The following TYW1 variants were observed in gnomAD, a reference collection of about 807,000 sequenced individuals.
TYW1 encodes the protein tRNA-yW synthesizing protein 1 homolog, also known as S-adenosyl-L-methionine-dependent tRNA 4-demethylwyosine synthase TYW1.
In TYW1, 46 loss-of-function variants were observed where a neutral mutation model predicts 96.2. The ratio of observed to expected loss-of-function variants is 0.48; its 90% CI spans 0.38 to 0.61. The LOEUF is 0.61. Ranked by LOEUF, TYW1 falls within the 20% of genes least tolerant of loss-of-function variation. The pLI is 0.00. For synonymous variants in TYW1, 274 were observed against 323.0 expected (o/e 0.85, Z 1.63); for missense variants, 684 against 909.6 (o/e 0.75, Z 3.19).
chr7:67,164,090 G>A (rs1160544481), intron 13 of TYW1, among the ~76,000 whole-genome samples: 4 of 152,130 alleles, frequency 2.6e-5, no homozygotes, highest in Admixed American at 6.5e-5. Context: ...GTATGTATAC[G>A]TGTTTTCTGA....
rs1313943499 is a variant in TYW1, at chr7:67,001,786, A to C, written c.273+2832A>C. Among the ~76,000 whole-genome samples the C allele has an allele frequency of 2.7e-5, 4 of 150,504 alleles. No homozygotes were observed. In the East Asian group the frequency reaches 8.2e-4, roughly 31 times the overall value. ...GGTGGCTCATGCCTGTAATCTCAGC[A>C]CTTTGGGAGGCCGAGGTGGGCAGAC... On this transcript the variant is annotated intron_variant, in intron 3 of 15. Coordinates refer to ENST00000359626, the MANE Select transcript of TYW1 (RefSeq NM_018264.4).
intron 9 of TYW1, among the ~76,000 whole-genome samples, chr7:67,057,486 CTGAG>C (rs1795558811): frequency 1.3e-5 from 2 of 152,164 alleles, no homozygotes; most frequent in African/African-American, 4.8e-5. Flanking sequence ...TCTCAGTCTC[CTGAG>C]TAAGTGGGAT....
Position 67,238,504 on chromosome 7 carries a change from A to C in TYW1, c.2174A>C (p.Lys725Thr), listed in dbSNP as rs770569897. The C allele has an allele frequency of 1.9e-6, 3 of 1,613,784 alleles. No homozygotes were observed. The highest frequency in any genetic ancestry group is 1.7e-6 in the Non-Finnish European group (2 of 1,179,852). Residue 725 changes from lysine to threonine, a missense_variant, in exon 16 of 16, where the codon AAA becomes ACA. Transcript: ENST00000359626. ...GACACAAGACATCAGAGAAAGAACA[A>C]ATCAAAGGCTATTTCTGGATGTTGA... ...PKDTRHQRKN[K>T]SKAISGC
At chr7:67,052,935 G>GT (rs1270971536) in intron 8 of TYW1, among the ~76,000 whole-genome samples, 2 of 151,872 alleles carry the variant, frequency 1.3e-5, no homozygotes, top group Non-Finnish European at 1.5e-5. Flanking sequence ...TAGAGACGGG[G>GT]TTTTACCGTG....
chr7:67,054,613 C>T (rs1255082923), intron 8 of TYW1, among the ~76,000 whole-genome samples: 1 of 152,154 alleles, frequency 6.6e-6, no homozygotes, highest in East Asian at 1.9e-4. Context: ...TGACATTGCT[C>T]CAATAATCAT....
At chr7:67,092,850 T>C (rs1796770787) in intron 11 of TYW1, among the ~76,000 whole-genome samples, 1 of 151,556 alleles carries the variant, frequency 6.6e-6, no homozygotes, top group African/African-American at 2.4e-5. Context: ...GCCCGGCTAA[T>C]GTTTTTAAAT....
At position 67,229,004 on chromosome 7, in the gene TYW1, C is replaced by G. The variant is rs531601450; in HGVS notation, c.1978-9304C>G. Among the ~76,000 whole-genome samples, 110 of 152,178 alleles carry G rather than the reference C, an allele frequency of 7.2e-4. No individual in the cohort carries two copies. The Middle Eastern group carries it at 0.01, about 14-fold the overall frequency. On this transcript the variant is annotated intron_variant, in intron 15 of 15. Coordinates refer to ENST00000359626, the MANE Select transcript of TYW1 (RefSeq NM_018264.4). ...TGGGAGGAGAATGTACTTCACTGTGCCAGTTTTATTTTTTTGGTTATTATT... is the reference window on the plus strand; with the variant it reads ...TGGGAGGAGAATGTACTTCACTGTGGCAGTTTTATTTTTTTGGTTATTATT...
chr7:67,103,883 A>C (rs1797163216), intron 12 of TYW1, among the ~76,000 whole-genome samples: 2 of 152,370 alleles, frequency 1.3e-5, no homozygotes, highest in East Asian at 3.9e-4. Context: ...AATTAAAGAA[A>C]GAAGAGAGAA....
At chr7:67,110,686 A>T (rs951261164) in intron 12 of TYW1, among the ~76,000 whole-genome samples, 2 of 152,188 alleles carry the variant, frequency 1.3e-5, no homozygotes, top group African/African-American at 4.8e-5. Context: ...GAGGTATCTG[A>T]TTTCCAGAGT....
intron 15 of TYW1, among the ~76,000 whole-genome samples, chr7:67,209,657 C>T (rs775419005): frequency 1.4e-4 from 22 of 152,130 alleles, no homozygotes; most frequent in Admixed American, 2.6e-4. Context: ...GCTGCAACCT[C>T]CATCTCCCGG....
chr7:67,164,963 A>G (rs1246548482), intron 13 of TYW1, among the ~76,000 whole-genome samples: 1 of 150,638 alleles, frequency 6.6e-6, no homozygotes, highest in Non-Finnish European at 1.5e-5. Flanking sequence ...CATAGGCTAC[A>G]TTTTTAGAAA....
At chr7:67,121,604 G>A (rs1191262061) in intron 13 of TYW1, among the ~76,000 whole-genome samples, 1 of 151,440 alleles carries the variant, frequency 6.6e-6, no homozygotes, top group Admixed American at 6.6e-5. Flanking sequence ...ATAAATAAGA[G>A]TGTTATTTCA....
chr7:67,120,176 G>A (rs570340942), intron 13 of TYW1, among the ~76,000 whole-genome samples: 1 of 151,936 alleles, frequency 6.6e-6, no homozygotes, highest in South Asian at 2.1e-4. Flanking sequence ...CTGCCTCCTG[G>A]GTTCAAGTGA....
At chr7:67,088,790 G>A (rs1796624125) in intron 11 of TYW1, among the ~76,000 whole-genome samples, 1 of 151,936 alleles carries the variant, frequency 6.6e-6, no homozygotes, top group Non-Finnish European at 1.5e-5. Context: ...GTCTGATCTC[G>A]AACTCCTGGG....
In TYW1 at chr7:67,097,547, C is replaced by T. The variant is rs544269745; in HGVS notation, c.1385-994C>T. Among the ~76,000 whole-genome samples, 14 of 152,028 alleles carry T rather than the reference C, an allele frequency of 9.2e-5. No individual in the cohort carries two copies. The South Asian group carries it at 1.9e-3, about 20-fold the overall frequency. On this transcript the variant is annotated intron_variant, in intron 11 of 15. Transcript: ENST00000359626. ...CCGAGTAGCTGGGATTACAGGCATC[C>T]GCCACCACGCCCAGCTAATTTTTGC...
Position 67,188,608 on chromosome 7 carries a change from C to G in TYW1, c.1809+5372C>G, listed in dbSNP as rs1380291465. On this transcript the variant is annotated intron_variant, in intron 14 of 15. Transcript: ENST00000359626. Reference sequence around the variant, plus strand: ...ACAGAAGACTAGGCCCTTTCACCTTCAATGAAAGGATGGATTAGGGAAAAA... The same window carrying G: ...ACAGAAGACTAGGCCCTTTCACCTTGAATGAAAGGATGGATTAGGGAAAAA... 3.3e-5 allele frequency among the ~76,000 whole-genome samples: 5 copies of G among 152,082 alleles called. No homozygotes were observed. In the East Asian group the frequency reaches 9.6e-4, roughly 29 times the overall value.
intron 14 of TYW1, among the ~76,000 whole-genome samples, chr7:67,191,882 T>C (rs1405779517): frequency 2.0e-5 from 3 of 148,642 alleles, no homozygotes; most frequent in East Asian, 2.0e-4. Flanking sequence ...TTTGTTGCTG[T>C]TGTTGTTTGG....
At position 67,016,837 on chromosome 7, in the gene TYW1, G is replaced by C. The variant is rs1427162095; in HGVS notation, c.571-1016G>C. Among the ~76,000 whole-genome samples, 3 of 152,036 alleles carry C rather than the reference G, an allele frequency of 2.0e-5. No individual in the cohort carries two copies. In the East Asian group the frequency reaches 5.8e-4, roughly 29 times the overall value. On this transcript the variant is annotated intron_variant, in intron 5 of 15. Transcript: ENST00000359626. Reference sequence around the variant, plus strand: ...AGATGGGGTTTTACTTTGGTGCCCAGGCTGGTGTTGAACTCGGGCTTGAGC... The same window carrying C: ...AGATGGGGTTTTACTTTGGTGCCCACGCTGGTGTTGAACTCGGGCTTGAGC...
At chr7:67,047,783 ATTT>A (rs36007120) in intron 7 of TYW1, among the ~76,000 whole-genome samples, 20 of 79,890 alleles carry the variant, frequency 2.5e-4, no homozygotes, top group Non-Finnish European at 3.8e-4. Flanking sequence ...GTGAGTGTCA[ATTT>A]TTTTTTTTTT....
Sources: gnomAD v4.1 joint callset for allele counts (sites outside exome capture counted in the v4.1 genomes callset) on GRCh38, gnomAD v4.1.1 for gene constraint, MANE v1.5 for transcripts, NCBI Gene and HGNC (gene_info 2026-07-23, HGNC 2026-07-21) for gene names.